Variants in ZC3HAV1 observed in about 807,000 individuals in gnomAD.
ZC3HAV1 encodes the protein zinc finger CCCH-type antiviral protein 1.
Under a neutral mutation model 86.6 loss-of-function variants are expected in ZC3HAV1, and 41 were observed. That is an observed-to-expected ratio of 0.47 (90% CI 0.37 to 0.61). ZC3HAV1 has a LOEUF of 0.61. ZC3HAV1 is among the 20% of genes least tolerant of loss of function. The pLI, the probability that ZC3HAV1 is intolerant of heterozygous loss-of-function variation, is 0.00. For missense variants in ZC3HAV1, 964 were observed against 1,141.1 expected, an observed-to-expected ratio of 0.84 and a Z score of 2.24; for synonymous variants, 421 against 432.1, an observed-to-expected ratio of 0.97 and a Z score of 0.32.
At chr7:139,093,491 A>G (rs1817490098) in intron 1 of ZC3HAV1, among the ~76,000 whole-genome samples, 1 of 152,216 alleles carries the variant, frequency 6.6e-6, no homozygotes, top group Admixed American at 6.5e-5. Context: ...GATGGCCTGA[A>G]GTAACTGAAG....
In ZC3HAV1 at chr7:139,109,148, G is replaced by A. The variant is rs765049408; in HGVS notation, c.184C>T (p.Arg62Ter). 6.3e-7 allele frequency: 1 copy of A among 1,593,128 alleles called. No homozygotes were observed. The highest frequency in any genetic ancestry group is 1.1e-5 in the South Asian group (1 of 88,526). The change falls in exon 1 of 13, where the codon CGA (arginine) becomes TGA (stop). Residue 62 changes from arginine (R) to a stop codon, truncating the protein, a stop_gained. Transcript: ENST00000242351. LOFTEE classifies it high-confidence loss of function. Reference sequence around the variant, plus strand: ...GCTCGAGTGGTGGCCACCACCGATCGGGTGATCCCGGCCTCGCCGCCGGTC... The same window carrying A: ...GCTCGAGTGGTGGCCACCACCGATCAGGTGATCCCGGCCTCGCCGCCGGTC... The part of the protein sequence containing the change: ...LETGGEAGIT[R>*]SVVATTRARV...
Position 139,073,952 on chromosome 7 carries a change from AGGAGT to A in ZC3HAV1, c.1771_1775del (p.Thr591PhefsTer22). 1 of 1,614,044 alleles carries A rather than the reference AGGAGT, an allele frequency of 6.2e-7. No individual in the cohort carries two copies. Among genetic ancestry groups the A allele is most frequent in the Non-Finnish European group, 8.5e-7 (1 of 1,179,904 alleles). ...AATTGGCTGGCTTGGTGACAGAAGAAGGAGTGGAGAGGCGTCGGATGGGAAAGGAA... is the reference window on the plus strand; with the variant it reads ...AATTGGCTGGCTTGGTGACAGAAGAAGGAGAGGCGTCGGATGGGAAAGGAA... On this transcript the variant is annotated frameshift_variant, in exon 7 of 13. Coordinates refer to ENST00000242351, the MANE Select transcript of ZC3HAV1 (RefSeq NM_020119.4). LOFTEE classifies it high-confidence loss of function.
At chr7:139,055,362 A>G in intron 9 of ZC3HAV1, 67 bp from the exon 10 acceptor site, 1 of 1,365,512 alleles carries the variant, frequency 7.3e-7, no homozygotes, top group Non-Finnish European at 1.0e-6. Context: ...TTTTCTCTTA[A>G]CTTCCAGCCA....
chr7:139,085,623 C>G (rs576404858), intron 2 of ZC3HAV1, among the ~76,000 whole-genome samples: 1 of 152,310 alleles, frequency 6.6e-6, no homozygotes, highest in East Asian at 1.9e-4. Flanking sequence ...CTCACACCCC[C>G]TAAACCACAA....
intron 1 of ZC3HAV1, among the ~76,000 whole-genome samples, chr7:139,099,940 T>C (rs946425132): frequency 8.6e-5 from 13 of 151,314 alleles, no homozygotes; most frequent in Admixed American, 7.9e-4. Context: ...AATAAATAAA[T>C]AAACCTCAAA....
At chr7:139,089,331 C>G (rs76309012) in intron 2 of ZC3HAV1, among the ~76,000 whole-genome samples, 2,353 of 152,238 alleles carry the variant, frequency 0.015, 35 homozygotes, top group Non-Finnish European at 0.024. Context: ...CAAGAAGCCA[C>G]CTTGATTTAA....
At chr7:139,104,984 G>A (rs1239997779) in intron 1 of ZC3HAV1, among the ~76,000 whole-genome samples, 1 of 142,012 alleles carries the variant, frequency 7.0e-6, no homozygotes, top group Non-Finnish European at 1.5e-5. Context: ...AGCGAGCTGA[G>A]ATCACGCCAC....
At chr7:139,099,837 G>A (rs376081741) in intron 1 of ZC3HAV1, among the ~76,000 whole-genome samples, 55 of 152,044 alleles carry the variant, frequency 3.6e-4, no homozygotes, top group African/African-American at 1.2e-3. Flanking sequence ...TGAGGCAAGA[G>A]AATCGCTTGA....
In ZC3HAV1 at chr7:139,089,723, T is replaced by A; in HGVS notation, c.345A>T (p.Glu115Asp). Reference sequence around the variant, plus strand: ...GATTTTTCAGGACTTTGAAGTTCTCTTCTGAGAGAACCTCATGAGAATATT... The same window carrying A: ...GATTTTTCAGGACTTTGAAGTTCTCATCTGAGAGAACCTCATGAGAATATT... ...LCKYSHEVLS[E>D]ENFKVLKNHE... is the part of the protein sequence containing the mutation. Residue 115 changes from glutamate to aspartate, a missense_variant, in exon 2 of 13, where the codon GAA becomes GAT. Physicochemically the swap from Glu to Asp is conservative, Grantham distance 45. Coordinates refer to ENST00000242351, the MANE Select transcript of ZC3HAV1 (RefSeq NM_020119.4). 1 of 1,612,704 alleles carries A rather than the reference T, an allele frequency of 6.2e-7. No individual in the cohort carries two copies. The highest frequency in any genetic ancestry group is 8.5e-7 in the Non-Finnish European group (1 of 1,179,552).
Position 139,073,847 on chromosome 7 carries a change from A to T in ZC3HAV1, c.1872+9T>A. On this transcript the variant is annotated intron_variant, in intron 7 of 12. Transcript: ENST00000242351. The stretch of plus-strand genomic sequence containing the variant: ...ACAAGAGCCCCCTACAAGGAGGAAC[A>T]GTGCTCACCTCTTCTCCATACTGAA... The T allele has an allele frequency of 6.2e-7, 1 of 1,600,992 alleles. No homozygotes were observed. The highest frequency in any genetic ancestry group is 8.5e-7 in the Non-Finnish European group (1 of 1,172,438).
At chr7:139,077,933 T>G (rs1214809674) in intron 5 of ZC3HAV1, among the ~76,000 whole-genome samples, 1 of 152,162 alleles carries the variant, frequency 6.6e-6, no homozygotes, top group Non-Finnish European at 1.5e-5. Context: ...CTTGTTAGAA[T>G]GGCTGCTATC....
chr7:139,053,328 C>A, intron 12 of ZC3HAV1, 123 bp downstream of exon 12: 2 of 1,228,900 alleles, frequency 1.6e-6, no homozygotes, highest in Non-Finnish European at 2.2e-6. Flanking sequence ...ACTGTCTCTC[C>A]AGGACCACTA....
intron 1 of ZC3HAV1, among the ~76,000 whole-genome samples, chr7:139,091,400 G>A (rs544857957): frequency 4.6e-5 from 7 of 152,158 alleles, no homozygotes; most frequent in African/African-American, 1.4e-4. Flanking sequence ...CCCGGAAGGC[G>A]GAGCTTGCAG....
intron 1 of ZC3HAV1, among the ~76,000 whole-genome samples, chr7:139,095,535 C>T (rs1349421486): frequency 2.6e-5 from 4 of 152,314 alleles, no homozygotes; most frequent in East Asian, 1.9e-4. Flanking sequence ...GCTGCAGCCA[C>T]GGCAAGCCAC....
intron 1 of ZC3HAV1, among the ~76,000 whole-genome samples, chr7:139,102,706 A>G (rs1001356480): frequency 2.0e-5 from 3 of 150,856 alleles, no homozygotes; most frequent in Non-Finnish European, 4.4e-5. Context: ...AGCCTGGGCA[A>G]AATAGTGAGA....
At chr7:139,064,644 G>C (rs1025059346) in intron 8 of ZC3HAV1, among the ~76,000 whole-genome samples, 19 of 152,120 alleles carry the variant, frequency 1.2e-4, no homozygotes, top group African/African-American at 4.6e-4. Context: ...GCAGTTGAGA[G>C]AAGTGGGCCT....
chr7:139,066,112 G>T lies in ZC3HAV1; in HGVS notation c.1873-1113C>A, dbSNP rs948111351. On this transcript the variant is annotated intron_variant, in intron 7 of 12. Transcript: ENST00000242351. ...GGTGGGCGATCAGGGCACACTAGAA[G>T]TACGCCCCTAGCAGCAGGGGTTCCC... Among the ~76,000 whole-genome samples, 3 of 152,274 alleles carry T rather than the reference G, an allele frequency of 2.0e-5. No individual in the cohort carries two copies. The South Asian group carries it at 6.2e-4, about 32-fold the overall frequency.
intron 1 of ZC3HAV1, among the ~76,000 whole-genome samples, chr7:139,104,215 C>G (rs750322136): frequency 3.3e-5 from 5 of 151,424 alleles, no homozygotes; most frequent in Non-Finnish European, 5.9e-5. Flanking sequence ...CATCTACCCA[C>G]CCCCACCCAA....
intron 5 of ZC3HAV1, among the ~76,000 whole-genome samples, chr7:139,076,795 G>A (rs1219542773): frequency 6.6e-6 from 1 of 152,014 alleles, no homozygotes; most frequent in Non-Finnish European, 1.5e-5. Flanking sequence ...GGGAGACTGA[G>A]GCAGGAGAAT....
Sources: allele counts gnomAD v4.1 joint callset (sites outside exome capture counted in the v4.1 genomes callset), GRCh38; gene constraint gnomAD v4.1.1; transcripts MANE v1.5; gene names NCBI Gene and HGNC (gene_info 2026-07-23, HGNC 2026-07-21).